PRLR: variants seen among roughly 807,000 people sequenced by gnomAD.
PRLR encodes hPRL receptor.
PRLR carries 13 observed loss-of-function variants against 40.2 expected under a neutral mutation model. That is an observed-to-expected ratio of 0.32 (90% CI 0.21 to 0.51). PRLR has a LOEUF of 0.51. Among genes scored for constraint, PRLR ranks in the 20% least tolerant of loss-of-function variants. The pLI is 0.97. For missense variants in PRLR, 656 were observed against 747.3 expected (o/e 0.88, Z 1.42); for synonymous variants, 269 against 278.7 (o/e 0.97, Z 0.35).
exon 9 of PRLR, chr5:35,049,304 A>G (rs896005045): frequency 1.0e-5 from 7 of 703,252 alleles, no homozygotes; most frequent in African/African-American, 3.5e-5. Context: ...ACTGTGGTCA[A>G]TGTTGCCTTT....
At chr5:35,072,814 T>G in intron 5 of PRLR, 70 bp from the exon 6 acceptor site, 1 of 1,542,098 alleles carries the variant, frequency 6.5e-7, no homozygotes, top group Admixed American at 2.0e-5. Flanking sequence ...CCATTTTCTA[T>G]TAGGAATTCC....
chr5:35,195,975 T>G (rs1329628537), intron 1 of PRLR, among the ~76,000 whole-genome samples: 1 of 152,120 alleles, frequency 6.6e-6, no homozygotes, highest in Non-Finnish European at 1.5e-5. Flanking sequence ...AATAAAAATA[T>G]GAATTCTCAA....
chr5:35,091,955 A>C (rs1771240556), intron 2 of PRLR, among the ~76,000 whole-genome samples: 1 of 152,188 alleles, frequency 6.6e-6, no homozygotes. Context: ...AACATGCTAT[A>C]AATCAGACCT....
chr5:35,085,319 T>G (rs990102317), intron 4 of PRLR, among the ~76,000 whole-genome samples: 1 of 152,170 alleles, frequency 6.6e-6, no homozygotes, highest in African/African-American at 2.4e-5. Flanking sequence ...CCCTTTGGAT[T>G]TCAGCCGGGA....
chr5:35,070,641 C>A (rs1412328294), intron 6 of PRLR, among the ~76,000 whole-genome samples: 2 of 151,684 alleles, frequency 1.3e-5, no homozygotes, highest in Non-Finnish European at 2.9e-5. Context: ...GTTGGGAGTT[C>A]GAGATCAGCC....
chr5:35,147,217 T>G (rs558279100), intron 1 of PRLR, among the ~76,000 whole-genome samples: 34 of 152,318 alleles, frequency 2.2e-4, no homozygotes, highest in African/African-American at 7.7e-4. Context: ...CCCACTTTTG[T>G]GAGGCCAGTT....
intron 1 of PRLR, among the ~76,000 whole-genome samples, chr5:35,145,213 C>A (rs557943932): frequency 6.6e-6 from 1 of 152,138 alleles, no homozygotes; most frequent in African/African-American, 2.4e-5. Context: ...CACAGAAATA[C>A]CCATCTGTTT....
intron 2 of PRLR, among the ~76,000 whole-genome samples, chr5:35,100,107 G>T (rs1771779750): frequency 6.6e-6 from 1 of 151,440 alleles, no homozygotes; most frequent in African/African-American, 2.4e-5. Context: ...GAACCTGGGA[G>T]GCGGAGTTTG....
intron 1 of PRLR, among the ~76,000 whole-genome samples, chr5:35,123,274 A>G (rs1412572137): frequency 6.6e-6 from 1 of 152,240 alleles, no homozygotes; most frequent in African/African-American, 2.4e-5. Context: ...GACAGCAATT[A>G]GTTAACATTT....
rs1333640007 is a variant in PRLR, at chr5:35,056,273, C to T, written c.*8816G>A. 1.3e-5 allele frequency: 2 copies of T among 152,100 alleles called. No individual in the cohort carries two copies. Among genetic ancestry groups the T allele is most frequent in the South Asian group, 2.1e-4 (1 of 4,828 alleles). 9.4% of individuals were successfully genotyped at this position (152,100 alleles called of 1,614,324 possible). Reference sequence around the variant, plus strand: ...GTGTTGGGACTTCCAAGGTAGAATACATCTGACAATATCAAAAACAGACTC... The same window carrying T: ...GTGTTGGGACTTCCAAGGTAGAATATATCTGACAATATCAAAAACAGACTC... On this transcript the variant is annotated 3_prime_UTR_variant, in exon 10 of 10. Coordinates refer to ENST00000618457, the MANE Select transcript of PRLR (RefSeq NM_000949.7).
intron 1 of PRLR, among the ~76,000 whole-genome samples, chr5:35,191,056 T>C (rs1447846228): frequency 4.7e-4 from 2 of 4,274 alleles, no homozygotes; most frequent in African/African-American, 3.3e-3. Flanking sequence ...TTCTTTTTTT[T>C]TTTTTTTTTT....
intron 1 of PRLR, among the ~76,000 whole-genome samples, chr5:35,196,433 AG>A (rs1775738394): frequency 6.6e-6 from 1 of 152,248 alleles, no homozygotes. Context: ...TCAATAGAGA[AG>A]GGTGTGTTTT....
intron 1 of PRLR, among the ~76,000 whole-genome samples, chr5:35,200,950 ACTCTATTCATAAGG>A (rs1333528687): frequency 6.6e-6 from 1 of 151,920 alleles, no homozygotes; most frequent in Non-Finnish European, 1.5e-5. Flanking sequence ...CTTGCTCAGG[ACTCTATTCATAAGG>A]CTCTACTTTT....
chr5:35,221,476 G>T (rs1205910732), intron 1 of PRLR, among the ~76,000 whole-genome samples: 1 of 152,168 alleles, frequency 6.6e-6, no homozygotes. Context: ...AGAACAGAAT[G>T]ATGAAATTGC....
At chr5:35,090,405 G>A (rs552426300) in intron 2 of PRLR, among the ~76,000 whole-genome samples, 4 of 152,044 alleles carry the variant, frequency 2.6e-5, no homozygotes, top group East Asian at 1.9e-4. Flanking sequence ...TTGGAACAAC[G>A]TTCAAAGCCT....
intron 1 of PRLR, among the ~76,000 whole-genome samples, chr5:35,221,956 T>C (rs962757452): frequency 6.6e-5 from 10 of 152,160 alleles, no homozygotes; most frequent in Non-Finnish European, 1.5e-4. Flanking sequence ...CCACCCCTAG[T>C]CTCACCGTGG....
chr5:35,079,162 A>C (rs1770328457), intron 5 of PRLR, among the ~76,000 whole-genome samples: 1 of 152,204 alleles, frequency 6.6e-6, no homozygotes, highest in Admixed American at 6.5e-5. Context: ...CAGGGATGCC[A>C]TCTCTCACCG....
intron 1 of PRLR, among the ~76,000 whole-genome samples, chr5:35,192,920 C>T (rs1775644394): frequency 6.6e-6 from 1 of 152,164 alleles, no homozygotes; most frequent in African/African-American, 2.4e-5. Flanking sequence ...CCAGCTGTCC[C>T]CAAGACTGAT....
At chr5:35,147,513 G>A (rs1224579430) in intron 1 of PRLR, among the ~76,000 whole-genome samples, 3 of 152,192 alleles carry the variant, frequency 2.0e-5, no homozygotes, top group African/African-American at 7.2e-5. Flanking sequence ...TTGCAGGACA[G>A]AGCTTAACTG....
Sources: allele counts gnomAD v4.1 joint callset (sites outside exome capture counted in the v4.1 genomes callset), GRCh38; gene constraint gnomAD v4.1.1; transcripts MANE v1.5; gene names NCBI Gene and HGNC (gene_info 2026-07-23, HGNC 2026-07-21).